GSE1: variants seen among roughly 807,000 people sequenced by gnomAD.
The protein encoded by GSE1 is Gse1 coiled-coil protein, also known as genetic suppressor element 1.
GSE1 carries 32 observed loss-of-function variants against 112.6 expected under a neutral mutation model. The ratio of observed to expected loss-of-function variants is 0.28; its 90% CI spans 0.21 to 0.38. The LOEUF (loss-of-function observed/expected upper bound fraction) is 0.38, where lower values mean the gene tolerates loss of function less well. Ranked by LOEUF, GSE1 falls within the 10% of genes least tolerant of loss-of-function variation. The pLI, the probability that GSE1 is intolerant of heterozygous loss-of-function variation, is 1.00. For synonymous variants in GSE1, 1,115 were observed against 735.6 expected (o/e 1.52, Z -8.35); for missense variants, 2,348 against 1,699.2 (o/e 1.38, Z -6.71).
chr16:85,241,676 A>G (rs74031741), intron 1 of GSE1, among the ~76,000 whole-genome samples: 30,985 of 152,028 alleles, frequency 0.2, 3,368 homozygotes, highest in East Asian at 0.24. Context: ...TCAGGTCTGC[A>G]TGACTCTGAA....
chr16:85,419,753 TC>T lies in GSE1; in HGVS notation c.2464+62115del, dbSNP rs1184103796. ...TCTAAAAACCCCTCTGATGCCTGCC[TC>T]CCCCGCCCCGCCCCCACCCCTCCAA... On this transcript the variant is annotated intron_variant, in intron 2 of 2. Coordinates refer to the GSE1 transcript ENST00000637419. The surrounding 1 kb of genome is among the most constrained non-coding windows in gnomAD (Gnocchi z 6.5). Among the ~76,000 whole-genome samples, 7 of 151,242 alleles carry T rather than the reference TC, an allele frequency of 4.6e-5. No homozygotes were observed. The highest frequency in any genetic ancestry group is 3.9e-4 in the East Asian group (2 of 5,126).
intron 1 of GSE1, among the ~76,000 whole-genome samples, chr16:85,255,124 C>T (rs1212711923): frequency 6.6e-6 from 1 of 152,224 alleles, no homozygotes; most frequent in African/African-American, 2.4e-5. Flanking sequence ...CTTCCGGCTC[C>T]CCGAGGGGCG....
At chr16:85,389,446 C>T (rs568627265) in intron 2 of GSE1, among the ~76,000 whole-genome samples, 127 of 128,556 alleles carry the variant, frequency 9.9e-4, no homozygotes, top group East Asian at 4.3e-3. Flanking sequence ...GGTGACAGAG[C>T]GAGACTCTGT....
chr16:85,479,188 A>T (rs1423665768), intron 2 of GSE1, among the ~76,000 whole-genome samples: 3 of 82,498 alleles, frequency 3.6e-5, no homozygotes, highest in African/African-American at 5.2e-5. Context: ...TGCCCGGCTA[A>T]TTTTTTTTTT....
chr16:85,515,649 A>T (rs1338979705), intron 2 of GSE1, among the ~76,000 whole-genome samples: 7 of 60,304 alleles, frequency 1.2e-4, no homozygotes, highest in Non-Finnish European at 1.7e-4. Flanking sequence ...GGGGGCGTGG[A>T]GGGCGGGGGC....
intron 2 of GSE1, among the ~76,000 whole-genome samples, chr16:85,487,312 C>T (rs2050873642): frequency 1.3e-5 from 2 of 152,188 alleles, no homozygotes; most frequent in Admixed American, 1.3e-4. Context: ...TGGCGAGCTA[C>T]GTCCCGTGGA....
At chr16:85,494,067 C>G (rs1342800282) in intron 2 of GSE1, among the ~76,000 whole-genome samples, 4 of 152,250 alleles carry the variant, frequency 2.6e-5, no homozygotes, top group African/African-American at 2.4e-5. Flanking sequence ...AAGTAAGACT[C>G]TGTCTCAAAC....
chr16:85,397,231 T>G (rs1283718491), intron 2 of GSE1, among the ~76,000 whole-genome samples: 1 of 152,184 alleles, frequency 6.6e-6, no homozygotes, highest in Non-Finnish European at 1.5e-5. Context: ...TTTTCTCCCC[T>G]TTTGCATTGG....
chr16:85,173,596 G>A (rs2074402070), intron 1 of GSE1, among the ~76,000 whole-genome samples: 1 of 152,224 alleles, frequency 6.6e-6, no homozygotes, highest in Admixed American at 6.5e-5. Context: ...TGGCAGTGGT[G>A]TTTCAAGGGG....
At chr16:85,369,731 T>C (rs2047255876) in intron 2 of GSE1, among the ~76,000 whole-genome samples, 1 of 152,238 alleles carries the variant, frequency 6.6e-6, no homozygotes, top group Admixed American at 6.5e-5. Flanking sequence ...GGGGCTGTTA[T>C]GCAGCCTAAC....
intron 2 of GSE1, among the ~76,000 whole-genome samples, chr16:85,536,526 T>A (rs1216881980): frequency 6.6e-6 from 1 of 152,178 alleles, no homozygotes; most frequent in Non-Finnish European, 1.5e-5. Flanking sequence ...GGGACATCGG[T>A]CACACCTCAC....
intron 1 of GSE1, among the ~76,000 whole-genome samples, chr16:85,188,806 TA>T (rs11334141): frequency 0.29 from 40,084 of 138,578 alleles, 5,328 homozygotes; most frequent in South Asian, 0.4. Context: ...ATCTCTATCT[TA>T]AAAAAAAAAA....
At chr16:85,395,148 G>C (rs1166527929) in intron 2 of GSE1, among the ~76,000 whole-genome samples, 1 of 152,154 alleles carries the variant, frequency 6.6e-6, no homozygotes, top group Non-Finnish European at 1.5e-5. Flanking sequence ...ATGGTCTGGG[G>C]CAAGCTGGGG....
chr16:85,439,825 C>G (rs1196040214), intron 2 of GSE1, among the ~76,000 whole-genome samples: 1 of 152,176 alleles, frequency 6.6e-6, no homozygotes, highest in Non-Finnish European at 1.5e-5. Flanking sequence ...GGCACAGATG[C>G]ATGCATGCAC....
chr16:85,560,596 G>A (rs1328622368), intron 1 of GSE1, among the ~76,000 whole-genome samples: 2 of 152,132 alleles, frequency 1.3e-5, no homozygotes, highest in Non-Finnish European at 2.9e-5. Context: ...TGTGAAAGGA[G>A]ATGGGGCTGG....
intron 2 of GSE1, among the ~76,000 whole-genome samples, chr16:85,399,096 G>T (rs2048032349): frequency 6.6e-6 from 1 of 152,204 alleles, no homozygotes; most frequent in South Asian, 2.1e-4. Flanking sequence ...TATGTGGTGT[G>T]TACATGTGTG....
chr16:85,424,738 G>A (rs2048928645), intron 2 of GSE1, among the ~76,000 whole-genome samples: 1 of 152,218 alleles, frequency 6.6e-6, no homozygotes. Context: ...GGCTCCTCAC[G>A]CCCCGAGTCG....
chr16:85,517,524 T>C (rs914066914), intron 2 of GSE1, among the ~76,000 whole-genome samples: 1 of 152,156 alleles, frequency 6.6e-6, no homozygotes, highest in African/African-American at 2.4e-5. Flanking sequence ...TCTCAGGCCT[T>C]GTGCTGAAGC....
At chr16:85,613,893 C>T (rs1246238852) in intron 1 of GSE1, among the ~76,000 whole-genome samples, 1 of 149,862 alleles carries the variant, frequency 6.7e-6, no homozygotes, top group African/African-American at 2.5e-5. Flanking sequence ...GGGGCCGCGC[C>T]GGTTAGGGTT....
Sources: gnomAD v4.1 joint callset for allele counts (sites outside exome capture counted in the v4.1 genomes callset) on GRCh38, gnomAD v4.1.1 for gene constraint, Gnocchi (gnomAD v3.1) non-coding constraint, MANE v1.5 for transcripts, NCBI Gene and HGNC (gene_info 2026-07-23, HGNC 2026-07-21) for gene names.